The following CACNA1A variants were observed in gnomAD, a reference collection of about 807,000 sequenced individuals.
CACNA1A encodes voltage-dependent P/Q-type calcium channel subunit alpha-1A.
Under a neutral mutation model 262.4 loss-of-function variants are expected in CACNA1A, and 57 were observed. The ratio of observed to expected loss-of-function variants is 0.22; its 90% CI spans 0.18 to 0.27. The LOEUF is 0.27. Ranked by LOEUF, CACNA1A falls within the 10% of genes least tolerant of loss-of-function variation. CACNA1A has a pLI of 1.00. For synonymous variants in CACNA1A, 1,431 were observed against 1,419.3 expected (o/e 1.01, Z -0.18); for missense variants, 2,526 against 3,562.8 (o/e 0.71, Z 7.41).
intron 6 of CACNA1A, among the ~76,000 whole-genome samples, chr19:13,339,133 T>A (rs10426253): frequency 0.69 from 104,534 of 151,348 alleles, 36,179 homozygotes; most frequent in Admixed American, 0.76. Context: ...CAAAGTGCTG[T>A]AATTACAGGC....
chr19:13,216,817 A>G (rs567050416), intron 38 of CACNA1A, among the ~76,000 whole-genome samples: 1 of 152,176 alleles, frequency 6.6e-6, no homozygotes, highest in South Asian at 2.1e-4. Context: ...TCAGAATGTC[A>G]CTGTGGGCTG....
chr19:13,299,464 C>G (rs982153858), intron 18 of CACNA1A, 111 bp from the exon 19 acceptor site: 1 of 845,034 alleles, frequency 1.2e-6, no homozygotes, highest in African/African-American at 1.7e-5. Flanking sequence ...TCTCCACCCT[C>G]TACTCCCCAC....
chr19:13,304,349 C>A (rs1255982839), intron 15 of CACNA1A, among the ~76,000 whole-genome samples: 1 of 151,964 alleles, frequency 6.6e-6, no homozygotes, highest in Non-Finnish European at 1.5e-5. Context: ...CAGGAAGAGA[C>A]CGCATGCCAT....
At chr19:13,294,895 C>T (rs1395231460) in intron 19 of CACNA1A, among the ~76,000 whole-genome samples, 1 of 152,130 alleles carries the variant, frequency 6.6e-6, no homozygotes, top group African/African-American at 2.4e-5. Context: ...TGACTGACAG[C>T]CCCAGAGTCT....
At chr19:13,350,167 G>T (rs191169664) in intron 6 of CACNA1A, among the ~76,000 whole-genome samples, 77 of 152,294 alleles carry the variant, frequency 5.1e-4, no homozygotes, top group African/African-American at 1.8e-3. Context: ...TTGAGGCCCA[G>T]CCAGTACCCC....
chr19:13,303,205 C>T (rs1005537793), intron 17 of CACNA1A, among the ~76,000 whole-genome samples: 6 of 152,128 alleles, frequency 3.9e-5, no homozygotes, highest in South Asian at 2.1e-4. Context: ...TAACAGCACT[C>T]CCTCTCCCAT....
At chr19:13,327,649 C>G (rs1220433322) in intron 10 of CACNA1A, among the ~76,000 whole-genome samples, 1 of 151,840 alleles carries the variant, frequency 6.6e-6, no homozygotes, top group Non-Finnish European at 1.5e-5. Context: ...TCTCAGCTCA[C>G]TGCAGCCTCC....
chr19:13,210,556 G>T (rs576882557), intron 44 of CACNA1A, 61 bp downstream of exon 44: 27 of 1,451,568 alleles, frequency 1.9e-5, no homozygotes, highest in African/African-American at 7.1e-5. Flanking sequence ...TCCCTGGAGG[G>T]GGGGTGGGGA....
At chr19:13,280,357 ATT>A (rs565586521) in intron 22 of CACNA1A, among the ~76,000 whole-genome samples, 5 of 141,094 alleles carry the variant, frequency 3.5e-5, no homozygotes, top group East Asian at 2.1e-4. Flanking sequence ...AAAAAAAAAA[ATT>A]TTTTTTTTTT....
chr19:13,505,977 T>C lies in CACNA1A; in HGVS notation c.248A>G (p.Glu83Gly). 1 of 1,613,910 alleles carries C rather than the reference T, an allele frequency of 6.2e-7. No individual in the cohort carries two copies. Among genetic ancestry groups the C allele is most frequent in the Non-Finnish European group, 8.5e-7 (1 of 1,179,878 alleles). ...TVNRSLFLFS[E>G]DNVVRKYAKK... is the part of the protein sequence containing the mutation. ...GGCGTATTTTCTCACCACGTTGTCT[T>C]CGCTGAAGAGGAAGAGAGACCGGTT... Residue 83 changes from glutamate (E) to glycine (G), a missense_variant, in exon 1 of 47, where the codon GAA becomes GGA. Transcript: ENST00000360228.
rs753180610 is a variant in CACNA1A at position 13,452,929 on chromosome 19, G to A, written c.486C>T (p.Gly162=). The change falls in exon 3 of 47, where the codon GGC becomes GGT. Residue 162 remains glycine, a synonymous_variant. Coordinates refer to ENST00000360228, the MANE Select transcript of CACNA1A (RefSeq NM_001127222.2). ...CATTCCAGCCATTCCTCAAGTAGGA[G>A]CCTTTGTGGAAGGCAAACCCAAGGG... The part of the protein sequence containing the change: ...IIALGFAFHK[G]SYLRNGWNVM... 9.3e-6 allele frequency: 15 copies of A among 1,613,862 alleles called. No homozygotes were observed. The East Asian group carries it at 3.3e-4, about 36-fold the overall frequency.
chr19:13,317,276 T>C lies in CACNA1A; in HGVS notation c.1391A>G (p.Asn464Ser). The C allele has an allele frequency of 6.2e-7, 1 of 1,612,242 alleles. No individual in the cohort carries two copies. Among genetic ancestry groups the C allele is most frequent in the South Asian group, 1.1e-5 (1 of 91,014 alleles). Residue 464 changes from asparagine to serine, a missense_variant, in exon 11 of 47, where the codon AAC becomes AGC. Asn to Ser is a conservative substitution (Grantham distance 46). Around this residue, in one of 17 missense-constraint regions of CACNA1A, gnomAD observed 104 missense variants for 127.6 expected, o/e 0.81. Coordinates refer to ENST00000360228, the MANE Select transcript of CACNA1A (RefSeq NM_001127222.2). ...RASIKSAKLE[N>S]STFFHKKERR... Reference sequence around the variant, plus strand: ...CTCCTTTTTGTGAAAAAAGGTCGAGTTCTCCAGCTTGGCACTTTTAATGCT... The same window carrying C: ...CTCCTTTTTGTGAAAAAAGGTCGAGCTCTCCAGCTTGGCACTTTTAATGCT...
In CACNA1A at chr19:13,214,329, C is replaced by T. The variant is rs368203745; in HGVS notation, c.5844G>A (p.Thr1948=). Residue 1948 remains threonine, a synonymous_variant, in exon 40 of 47, where the codon ACG becomes ACA. Coordinates refer to ENST00000360228, the MANE Select transcript of CACNA1A (RefSeq NM_001127222.2). The surrounding 1 kb of genome is among the most constrained non-coding windows in gnomAD (Gnocchi z 4.1). ...CGTAGATCTTCCCCACGGTGAGGTC[C>T]GTGGCTGGGGGCACACACACGGTGA... ...LDLLVTPHKS[T]DLTVGKIYAA... The T allele has an allele frequency of 2.0e-5, 32 of 1,612,548 alleles. No homozygotes were observed. Among genetic ancestry groups the T allele is most frequent in the Middle Eastern group, 1.6e-4 (1 of 6,062 alleles).
rs1296629000 is a variant in CACNA1A, at chr19:13,230,188, C to T, written c.5422G>A (p.Val1808Ile). 1 of 1,613,584 alleles carries T rather than the reference C, an allele frequency of 6.2e-7. No homozygotes were observed. Among genetic ancestry groups the T allele is most frequent in the African/African-American group, 1.3e-5 (1 of 74,822 alleles). ...AGGTACTCAAAGTTGTCCATGATGA[C>T]GGCGACAAAGAGATTCAGCATCTGT... ...SFLMLNLFVAVIMDNFEYLTR... is the reference protein window; with the variant it reads ...SFLMLNLFVAIIMDNFEYLTR... Residue 1808 changes from valine (V) to isoleucine (I), a missense_variant, in exon 36 of 47, where the codon GTC becomes ATC. Val to Ile is a conservative substitution (Grantham distance 29, BLOSUM62 3). Around this residue, in one of 17 missense-constraint regions of CACNA1A, gnomAD observed 39 missense variants for 124.9 expected, o/e 0.31. Coordinates refer to ENST00000360228, the MANE Select transcript of CACNA1A (RefSeq NM_001127222.2).
chr19:13,363,985 A>G (rs1302687386), intron 5 of CACNA1A: 1 of 152,182 alleles, frequency 6.6e-6, no homozygotes, highest in Non-Finnish European at 1.5e-5. Flanking sequence ...TCCAAGGGCT[A>G]TTTGGTTCCT....
intron 19 of CACNA1A, among the ~76,000 whole-genome samples, chr19:13,289,539 G>A (rs943010453): frequency 1.3e-5 from 2 of 152,152 alleles, no homozygotes; most frequent in African/African-American, 4.8e-5. Flanking sequence ...TGGGATAACA[G>A]GAGTAGAACC....
chr19:13,303,146 G>A (rs942591171), intron 17 of CACNA1A, among the ~76,000 whole-genome samples: 3 of 152,062 alleles, frequency 2.0e-5, no homozygotes, highest in Non-Finnish European at 4.4e-5. Context: ...AAGGTCCCAG[G>A]GCTGGTGGCA....
intron 6 of CACNA1A, among the ~76,000 whole-genome samples, chr19:13,339,835 A>G (rs1011197494): frequency 6.6e-6 from 1 of 152,024 alleles, no homozygotes; most frequent in Non-Finnish European, 1.5e-5. Flanking sequence ...ATGGACACAG[A>G]CAGGTTCTGG....
chr19:13,504,682 G>A (rs944439903), intron 1 of CACNA1A, among the ~76,000 whole-genome samples: 6 of 152,212 alleles, frequency 3.9e-5, no homozygotes, highest in Non-Finnish European at 7.3e-5. Flanking sequence ...GCAGCTGGTT[G>A]GAACTGTGCG....
Sources: allele counts gnomAD v4.1 joint callset (sites outside exome capture counted in the v4.1 genomes callset), GRCh38; gene constraint gnomAD v4.1.1; regional missense constraint gnomAD v4.1.1; non-coding constraint Gnocchi (gnomAD v3.1); transcripts MANE v1.5; gene names NCBI Gene and HGNC (gene_info 2026-07-23, HGNC 2026-07-21).